Variants in ROBO1 observed in about 807,000 individuals in gnomAD.
ROBO1 encodes the protein roundabout guidance receptor 1, also known as roundabout homolog 1.
Under a neutral mutation model 195.9 loss-of-function variants are expected in ROBO1, and 149 were observed. The observed-to-expected ratio is 0.76, with a 90% CI of 0.67 to 0.87. The LOEUF (loss-of-function observed/expected upper bound fraction) is 0.87. ROBO1 is among the 40% of genes least tolerant of loss of function. The pLI, the probability that ROBO1 is intolerant of heterozygous loss-of-function variation, is 0.00. For synonymous variants in ROBO1, 816 were observed against 733.2 expected (o/e 1.11, Z -1.82); for missense variants, 1,933 against 2,068.3 (o/e 0.93, Z 1.27).
chr3:78,998,587 C>A (rs2077422668), intron 3 of ROBO1, among the ~76,000 whole-genome samples: 1 of 152,114 alleles, frequency 6.6e-6, no homozygotes, highest in Non-Finnish European at 1.5e-5. Context: ...ATTGTTCTTC[C>A]CTTACCGCTT....
chr3:79,257,984 G>C (rs2082869761), intron 2 of ROBO1, among the ~76,000 whole-genome samples: 1 of 152,074 alleles, frequency 6.6e-6, no homozygotes, highest in Middle Eastern at 3.4e-3. Flanking sequence ...CCAAATTCCA[G>C]TCTGATACTA....
At chr3:79,682,063 C>T (rs1175435643) in intron 1 of ROBO1, among the ~76,000 whole-genome samples, 1 of 151,800 alleles carries the variant, frequency 6.6e-6, no homozygotes, top group Non-Finnish European at 1.5e-5. Context: ...AAAGTAAATC[C>T]CTGCCTCAGG....
intron 15 of ROBO1, among the ~76,000 whole-genome samples, chr3:78,661,470 T>A (rs971658761): frequency 2.6e-5 from 4 of 152,130 alleles, no homozygotes; most frequent in Non-Finnish European, 5.9e-5. Flanking sequence ...TCCAAAAGAA[T>A]CTTCAGCTAA....
At position 79,537,264 on chromosome 3, in the gene ROBO1, C is replaced by T. The variant is rs1178541815; in HGVS notation, c.88+52560G>A. 3.3e-5 allele frequency among the ~76,000 whole-genome samples: 5 copies of T among 152,092 alleles called. No homozygotes were observed. In the East Asian group the frequency reaches 7.8e-4, roughly 24 times the overall value. On this transcript the variant is annotated intron_variant, in intron 2 of 30. Coordinates refer to ENST00000464233, the MANE Select transcript of ROBO1 (RefSeq NM_002941.4). ...GAAGGTTGTCTTGGGTTAGATTCCT[C>T]CAAAAACAGATCCTGAGCGAAAGAT...
At chr3:78,919,150 A>T (rs555989777) in intron 4 of ROBO1, among the ~76,000 whole-genome samples, 1 of 152,262 alleles carries the variant, frequency 6.6e-6, no homozygotes, top group South Asian at 2.1e-4. Flanking sequence ...ATTACATCAG[A>T]CCATAGGGAG....
intron 10 of ROBO1, among the ~76,000 whole-genome samples, chr3:78,674,714 C>T (rs1272086375): frequency 6.6e-6 from 1 of 152,172 alleles, no homozygotes; most frequent in Non-Finnish European, 1.5e-5. Flanking sequence ...CTCACAAATA[C>T]AAGCAATTTG....
intron 1 of ROBO1, among the ~76,000 whole-genome samples, chr3:79,604,311 T>A (rs1428231298): frequency 6.6e-6 from 1 of 152,038 alleles, no homozygotes; most frequent in Non-Finnish European, 1.5e-5. Flanking sequence ...GATATGATCC[T>A]TATTTAAAGG....
intron 4 of ROBO1, among the ~76,000 whole-genome samples, chr3:78,855,383 C>G (rs1419292984): frequency 6.6e-6 from 1 of 152,160 alleles, no homozygotes; most frequent in Non-Finnish European, 1.5e-5. Context: ...GGAGTGCTAA[C>G]AAACCAGTTT....
At chr3:78,935,491 GT>G (rs1380849397) in intron 4 of ROBO1, among the ~76,000 whole-genome samples, 4 of 152,046 alleles carry the variant, frequency 2.6e-5, no homozygotes, top group Non-Finnish European at 5.9e-5. Context: ...AAAGATCTGT[GT>G]TATCAATTTG....
intron 3 of ROBO1, among the ~76,000 whole-genome samples, chr3:79,037,058 G>A (rs1384568371): frequency 6.6e-6 from 1 of 152,052 alleles, no homozygotes; most frequent in Non-Finnish European, 1.5e-5. Flanking sequence ...AAACCTTATG[G>A]ATGAAAACAA....
intron 10 of ROBO1, among the ~76,000 whole-genome samples, chr3:78,672,242 T>TA (rs1257578049): frequency 1.6e-5 from 2 of 124,090 alleles, no homozygotes; most frequent in African/African-American, 2.7e-5. Flanking sequence ...TCCTCTTTGG[T>TA]AAAAACAACA....
intron 1 of ROBO1, among the ~76,000 whole-genome samples, chr3:79,741,400 T>A (rs1406389896): frequency 6.6e-6 from 1 of 152,206 alleles, no homozygotes; most frequent in Non-Finnish European, 1.5e-5. Context: ...GACTTTTTTT[T>A]TTAGCTTTGA....
At chr3:79,761,655 C>T (rs1041149156) in intron 1 of ROBO1, among the ~76,000 whole-genome samples, 2 of 152,176 alleles carry the variant, frequency 1.3e-5, no homozygotes, top group African/African-American at 4.8e-5. Context: ...CTGCTCTTGG[C>T]AAATCTGCCT....
At chr3:78,625,948 A>C (rs1485675395) in intron 26 of ROBO1, among the ~76,000 whole-genome samples, 1 of 152,104 alleles carries the variant, frequency 6.6e-6, no homozygotes, top group African/African-American at 2.4e-5. Flanking sequence ...TTAACCAAGA[A>C]GAGAAGGAGA....
chr3:79,223,265 A>G (rs1328081257), intron 2 of ROBO1, among the ~76,000 whole-genome samples: 2 of 152,104 alleles, frequency 1.3e-5, no homozygotes, highest in Non-Finnish European at 2.9e-5. Flanking sequence ...ACCACAGAAA[A>G]AATTATTTCT....
In ROBO1 at chr3:78,991,743, G is replaced by A. The variant is rs563138430; in HGVS notation, c.173-52816C>T. The stretch of plus-strand genomic sequence containing the variant: ...ACAAAAACAGAGGACTTTGATTAAC[G>A]ATACAGTTGCTTATTCCATAGGAAG... On this transcript the variant is annotated intron_variant, in intron 3 of 30. Coordinates refer to ENST00000464233, the MANE Select transcript of ROBO1 (RefSeq NM_002941.4). Among the ~76,000 whole-genome samples, 14 of 152,208 alleles carry A rather than the reference G, an allele frequency of 9.2e-5. No individual in the cohort carries two copies. The East Asian group carries it at 2.1e-3, about 23-fold the overall frequency.
chr3:79,503,653 G>A (rs1321616792), intron 2 of ROBO1, among the ~76,000 whole-genome samples: 6 of 152,108 alleles, frequency 3.9e-5, no homozygotes, highest in Admixed American at 3.3e-4. Context: ...GGAAGATGAA[G>A]AAATAAATGA....
chr3:79,599,017 C>T (rs971637338), intron 1 of ROBO1, among the ~76,000 whole-genome samples: 1 of 152,060 alleles, frequency 6.6e-6, no homozygotes, highest in African/African-American at 2.4e-5. Flanking sequence ...CACTCCCCTG[C>T]CACCTCCACC....
chr3:78,941,486 T>C (rs2040139978), intron 3 of ROBO1, among the ~76,000 whole-genome samples: 2 of 152,180 alleles, frequency 1.3e-5, no homozygotes, highest in Admixed American at 6.5e-5. Flanking sequence ...TGAGGAGATA[T>C]TTATTTAATT....
Sources: gnomAD v4.1 joint callset for allele counts (sites outside exome capture counted in the v4.1 genomes callset) on GRCh38, gnomAD v4.1.1 for gene constraint, MANE v1.5 for transcripts, NCBI Gene and HGNC (gene_info 2026-07-23, HGNC 2026-07-21) for gene names.